The following ME3 variants were observed in gnomAD, a reference collection of about 807,000 sequenced individuals.
ME3 encodes the protein malic enzyme 3, also known as NADP-dependent malic enzyme, mitochondrial.
A neutral mutation model predicts 68.9 loss-of-function variants in ME3; 48 were observed. The ratio of observed to expected loss-of-function variants is 0.70; its 90% CI spans 0.55 to 0.89. The LOEUF is 0.89. Ranked by LOEUF, ME3 falls within the 40% of genes least tolerant of loss-of-function variation. ME3 has a pLI of 0.00. For synonymous variants in ME3, 320 were observed against 318.8 expected, an observed-to-expected ratio of 1.00 and a Z score of -0.04; for missense variants, 675 against 797.4, an observed-to-expected ratio of 0.85 and a Z score of 1.85.
Position 86,559,681 on chromosome 11 carries a change from G to A in ME3, c.317+9C>T. 1 of 1,610,254 alleles carries A rather than the reference G, an allele frequency of 6.2e-7. No homozygotes were observed. The highest frequency in any genetic ancestry group is 1.1e-5 in the South Asian group (1 of 90,542). ...GACCAGACAGAGAGAACAGACACTAGGTACTGACTTGTCCAGGTCACTCTG... is the reference window on the plus strand; with the variant it reads ...GACCAGACAGAGAGAACAGACACTAAGTACTGACTTGTCCAGGTCACTCTG... On this transcript the variant is annotated intron_variant, in intron 3 of 14. Transcript: ENST00000543262.
intron 2 of ME3, among the ~76,000 whole-genome samples, chr11:86,582,056 T>C (rs1234507578): frequency 6.6e-6 from 1 of 152,256 alleles, no homozygotes; most frequent in Admixed American, 6.5e-5. Flanking sequence ...CCAAATCTGA[T>C]AATTTTCTTG....
intron 10 of ME3, among the ~76,000 whole-genome samples, chr11:86,448,744 C>T (rs1202572472): frequency 1.3e-5 from 2 of 152,160 alleles, no homozygotes; most frequent in Non-Finnish European, 2.9e-5. Context: ...AATGACAGGC[C>T]ATGCCCAACC....
rs190263368 is a variant in ME3, at chr11:86,615,023, G to A, written c.184-55200C>T. Among the ~76,000 whole-genome samples the A allele has an allele frequency of 3.7e-3, 569 of 152,094 alleles. 2 individuals are homozygous for A. The highest frequency in any genetic ancestry group is 0.013 in the African/African-American group (523 of 41,472). On this transcript the variant is annotated intron_variant, in intron 2 of 14. Transcript: ENST00000543262. Reference sequence around the variant, plus strand: ...ACACACATTCTGGCGGAACCAAATCGTTTTTTTAAAAAATATCACGGAGTA... The same window carrying A: ...ACACACATTCTGGCGGAACCAAATCATTTTTTTAAAAAATATCACGGAGTA...
intron 8 of ME3, 126 bp from the exon 9 acceptor site, chr11:86,450,524 C>T: frequency 1.5e-6 from 1 of 663,566 alleles, no homozygotes; most frequent in Non-Finnish European, 2.6e-6. Context: ...GCCCTTATGC[C>T]CTGTAGGCAT....
chr11:86,602,026 C>T (rs1163465078), intron 2 of ME3, among the ~76,000 whole-genome samples: 1 of 149,174 alleles, frequency 6.7e-6, no homozygotes, highest in African/African-American at 2.5e-5. Context: ...TGGAAGCATT[C>T]CCTTTGAAAA....
At chr11:86,446,060 G>A (rs768243158) in intron 13 of ME3, among the ~76,000 whole-genome samples, 14 of 152,222 alleles carry the variant, frequency 9.2e-5, no homozygotes, top group Middle Eastern at 3.4e-3. Context: ...TATGAGGCAT[G>A]TCTCCTCCTC....
chr11:86,561,091 G>T (rs532432645), intron 2 of ME3, among the ~76,000 whole-genome samples: 1 of 152,200 alleles, frequency 6.6e-6, no homozygotes, highest in Admixed American at 6.5e-5. Context: ...CAAAAGTCAT[G>T]CTTGTCAGGT....
At chr11:86,457,206 T>G (rs1285213215) in intron 8 of ME3, among the ~76,000 whole-genome samples, 2 of 152,212 alleles carry the variant, frequency 1.3e-5, no homozygotes, top group African/African-American at 2.4e-5. Flanking sequence ...ACTGTAAAAC[T>G]TCCATCTTTA....
chr11:86,550,647 A>G (rs1201475672), intron 4 of ME3, among the ~76,000 whole-genome samples: 3 of 152,142 alleles, frequency 2.0e-5, no homozygotes, highest in Admixed American at 6.5e-5. Context: ...GTGCCCTGAG[A>G]TTGGGCAGAA....
At chr11:86,534,588 C>A (rs148923762) in intron 4 of ME3, among the ~76,000 whole-genome samples, 1 of 152,006 alleles carries the variant, frequency 6.6e-6, no homozygotes, top group Admixed American at 6.5e-5. Context: ...GGCAGGAGAA[C>A]TGCTTAAACC....
downstream of ME3, among the ~76,000 whole-genome samples, chr11:86,438,191 G>A (rs1480207704): frequency 6.6e-6 from 1 of 151,840 alleles, no homozygotes; most frequent in Admixed American, 6.6e-5. Flanking sequence ...ATAAATGGGC[G>A]TTGGTTTTTT....
chr11:86,601,716 C>A (rs1416116957), intron 2 of ME3, among the ~76,000 whole-genome samples: 1 of 151,762 alleles, frequency 6.6e-6, no homozygotes, highest in Non-Finnish European at 1.5e-5. Flanking sequence ...AAAATACTGG[C>A]AAAGTGAATC....
In ME3 at chr11:86,465,078, G is replaced by C; in HGVS notation, c.919+13C>G. 5.0e-6 allele frequency: 8 copies of C among 1,589,416 alleles called. No homozygotes were observed. Among genetic ancestry groups the C allele is most frequent in the Non-Finnish European group, 6.9e-6 (8 of 1,157,802 alleles). ...AGTCCCCTGTAGCTTCATCAGGTGG[G>C]GTGGAAACCTACCTTGGATGTCATC... On this transcript the variant is annotated intron_variant, in intron 8 of 14. Transcript: ENST00000543262.
At chr11:86,569,514 G>C (rs145295556) in intron 2 of ME3, among the ~76,000 whole-genome samples, 5 of 152,240 alleles carry the variant, frequency 3.3e-5, no homozygotes, top group African/African-American at 4.8e-5. Context: ...CACATGCGAT[G>C]TGTCTCCTAT....
At chr11:86,472,431 G>A (rs1049752651) in intron 7 of ME3, among the ~76,000 whole-genome samples, 5 of 152,204 alleles carry the variant, frequency 3.3e-5, no homozygotes, top group African/African-American at 1.2e-4. Flanking sequence ...TGGAGACAAG[G>A]AGGCATGGAA....
At chr11:86,583,768 G>C (rs1958575981) in intron 2 of ME3, among the ~76,000 whole-genome samples, 1 of 152,084 alleles carries the variant, frequency 6.6e-6, no homozygotes. Context: ...TGAGAAAACT[G>C]TATATCCACA....
chr11:86,467,685 T>A (rs61904381), intron 7 of ME3, among the ~76,000 whole-genome samples: 11,624 of 123,140 alleles, frequency 0.094, 475 homozygotes, highest in South Asian at 0.14. Context: ...TCTCTCTCTC[T>A]CTCTCTCTCA....
chr11:86,602,274 A>G (rs1482899394), intron 2 of ME3, among the ~76,000 whole-genome samples: 1 of 147,640 alleles, frequency 6.8e-6, no homozygotes, highest in South Asian at 2.2e-4. Flanking sequence ...TACAAAATCA[A>G]TGTACAAAAA....
In ME3 at chr11:86,465,057, C is replaced by T. The variant is rs745308100; in HGVS notation, c.919+34G>A. 5 of 1,521,346 alleles carry T rather than the reference C, an allele frequency of 3.3e-6. No homozygotes were observed. In the Admixed American group the frequency reaches 8.4e-5, roughly 25 times the overall value. 94.2% of individuals were successfully genotyped at this position (1,521,346 alleles called of 1,614,324 possible). The stretch of plus-strand genomic sequence containing the variant: ...GTGAGGTTGAGAATATAAGTTAGTC[C>T]CCTGTAGCTTCATCAGGTGGGGTGG... On this transcript the variant is annotated intron_variant, in intron 8 of 14. Transcript: ENST00000543262.
Sources: gnomAD v4.1 joint callset for allele counts (sites outside exome capture counted in the v4.1 genomes callset) on GRCh38, gnomAD v4.1.1 for gene constraint, MANE v1.5 for transcripts, NCBI Gene and HGNC (gene_info 2026-07-23, HGNC 2026-07-21) for gene names.